DOCK4: variants seen among roughly 807,000 people sequenced by gnomAD.
DOCK4 encodes the protein dedicator of cytokinesis 4.
A neutral mutation model predicts 268.1 loss-of-function variants in DOCK4; 97 were observed. The ratio of observed to expected loss-of-function variants is 0.36; its 90% confidence interval spans 0.31 to 0.43. The LOEUF (loss-of-function observed/expected upper bound fraction) is 0.43, where lower values mean the gene tolerates loss of function less well. Among genes scored for constraint, DOCK4 ranks in the 20% least tolerant of loss-of-function variants. The probability of loss-of-function intolerance (pLI) is 1.00; values close to 1 mark genes in which losing one functional copy is unlikely to be tolerated. For synonymous variants in DOCK4, 954 were observed against 887.2 expected (o/e 1.08, Z -1.34); for missense variants, 2,145 against 2,455.7 (o/e 0.87, Z 2.67).
rs1812325671 is a variant in DOCK4 at position 112,117,844 on chromosome 7, A to G, written c.37+88258T>C. Among the ~76,000 whole-genome samples, 2 of 152,204 alleles carry G rather than the reference A, an allele frequency of 1.3e-5. 1 individual carries two copies. The highest frequency in any genetic ancestry group is 4.1e-4 in the South Asian group (2 of 4,834). On this transcript the variant is annotated intron_variant, in intron 1 of 52. Coordinates refer to ENST00000428084, the MANE Select transcript of DOCK4 (RefSeq NM_001363540.2). ...GGCTTTGATTTCCAAATAGAAGCTTAGGTCTAAGACCAAGCTTCATGACAT... is the reference window on the plus strand; with the variant it reads ...GGCTTTGATTTCCAAATAGAAGCTTGGGTCTAAGACCAAGCTTCATGACAT...
intron 13 of DOCK4, among the ~76,000 whole-genome samples, chr7:111,910,156 T>G (rs1791973750): frequency 6.6e-6 from 1 of 152,160 alleles, no homozygotes; most frequent in African/African-American, 2.4e-5. Flanking sequence ...GAAATCATGA[T>G]GGAGGCAAAG....
intron 10 of DOCK4, among the ~76,000 whole-genome samples, chr7:111,942,908 A>G (rs1795323647): frequency 1.3e-5 from 2 of 152,320 alleles, no homozygotes; most frequent in East Asian, 3.9e-4. Context: ...TGCAGAAGGT[A>G]AAAATTGCCT....
In DOCK4 at chr7:112,014,274, C is replaced by T. The variant is rs149147045; in HGVS notation, c.38-10143G>A. 5.9e-3 allele frequency among the ~76,000 whole-genome samples: 901 copies of T among 152,246 alleles called. 8 individuals are homozygous for T. The highest frequency in any genetic ancestry group is 0.02 in the African/African-American group (839 of 41,548). ...TCATTCAATTAGCACTTCTTTTATG[C>T]GCATTTAATCCATTTTATTAGTTTT... On this transcript the variant is annotated intron_variant, in intron 1 of 52. Transcript: ENST00000428084.
Position 111,742,187 on chromosome 7 carries a change from T to G in DOCK4, c.4678-55A>C, listed in dbSNP as rs918766259. 34 of 1,508,492 alleles carry G rather than the reference T, an allele frequency of 2.3e-5. No individual in the cohort carries two copies. The Admixed American group carries it at 6.7e-4, about 30-fold the overall frequency. The allele number at this position is 1,508,492 out of a possible 1,614,324, so 93.4% of individuals were successfully genotyped here. On this transcript the variant is annotated intron_variant, in intron 44 of 52. Coordinates refer to ENST00000428084, the MANE Select transcript of DOCK4 (RefSeq NM_001363540.2). The stretch of plus-strand genomic sequence containing the variant: ...ACATCAATGACTACCTCTCACTAAG[T>G]GCCTGCTATGGGCCGAGCACTTTAC...
intron 43 of DOCK4, among the ~76,000 whole-genome samples, chr7:111,746,818 T>G (rs1796307902): frequency 7.0e-4 from 2 of 2,850 alleles, no homozygotes; most frequent in Non-Finnish European, 2.0e-3. Context: ...TCTTATCTTT[T>G]TTTTTTTTTT....
At chr7:111,808,745 G>A in intron 30 of DOCK4, 76 bp downstream of exon 30, 1 of 1,460,938 alleles carries the variant, frequency 6.8e-7, no homozygotes, top group East Asian at 2.4e-5. Context: ...CTGGTAAATT[G>A]CCTTTCTTCA....
At chr7:111,915,513 A>G (rs1792508427) in intron 13 of DOCK4, among the ~76,000 whole-genome samples, 1 of 152,208 alleles carries the variant, frequency 6.6e-6, no homozygotes, top group East Asian at 1.9e-4. Flanking sequence ...CCACAAGTTA[A>G]CAACTTTAGA....
intron 12 of DOCK4, among the ~76,000 whole-genome samples, chr7:111,929,019 T>C (rs1290640426): frequency 6.6e-6 from 1 of 152,208 alleles, no homozygotes; most frequent in African/African-American, 2.4e-5. Flanking sequence ...TCTGTTGCTA[T>C]GTTCTGAAGT....
intron 30 of DOCK4, among the ~76,000 whole-genome samples, chr7:111,793,458 G>A (rs986594727): frequency 2.0e-5 from 3 of 152,188 alleles, no homozygotes; most frequent in African/African-American, 7.2e-5. Context: ...TCTTGTACAT[G>A]TTTTGATAAG....
intron 25 of DOCK4, among the ~76,000 whole-genome samples, chr7:111,840,480 C>G (rs544860789): frequency 6.6e-6 from 1 of 151,908 alleles, no homozygotes; most frequent in South Asian, 2.1e-4. Flanking sequence ...AAATCTGCTT[C>G]TACCTATAAT....
At chr7:112,173,724 G>A (rs934415008) in intron 1 of DOCK4, among the ~76,000 whole-genome samples, 22 of 152,158 alleles carry the variant, frequency 1.4e-4, no homozygotes, top group Non-Finnish European at 1.5e-4. Context: ...ACTTGGAAAT[G>A]CCCAAGGGCA....
At chr7:112,171,253 T>C (rs927597655) in intron 1 of DOCK4, among the ~76,000 whole-genome samples, 4 of 152,216 alleles carry the variant, frequency 2.6e-5, no homozygotes, top group Non-Finnish European at 4.4e-5. Context: ...ATAATTAACC[T>C]ATTTTCCATA....
intron 1 of DOCK4, among the ~76,000 whole-genome samples, chr7:112,137,851 T>G (rs1460225071): frequency 6.6e-6 from 1 of 152,250 alleles, no homozygotes; most frequent in East Asian, 1.9e-4. Flanking sequence ...TTTTCTCATC[T>G]GTAAAACAGG....
chr7:111,937,454 C>A (rs1275984842), intron 11 of DOCK4, among the ~76,000 whole-genome samples: 1 of 152,100 alleles, frequency 6.6e-6, no homozygotes, highest in African/African-American at 2.4e-5. Context: ...AAAAAAAACA[C>A]AAAGAGCAGA....
chr7:112,088,555 C>T (rs1809332618), intron 1 of DOCK4, among the ~76,000 whole-genome samples: 1 of 152,026 alleles, frequency 6.6e-6, no homozygotes, highest in African/African-American at 2.4e-5. Flanking sequence ...ATTAAAGCAG[C>T]CAGTATGACC....
Position 111,940,271 on chromosome 7 carries a change from CA to C in DOCK4, c.845-30del, listed in dbSNP as rs1400882928. 5.6e-6 allele frequency: 9 copies of C among 1,613,594 alleles called. No individual in the cohort carries two copies. The South Asian group carries it at 9.9e-5, about 18-fold the overall frequency. On this transcript the variant is annotated intron_variant, in intron 10 of 52. Coordinates refer to ENST00000428084, the MANE Select transcript of DOCK4 (RefSeq NM_001363540.2). ...TTCAATTAAAGAGCAATCATTAACC[CA>C]TGGAGCCATTTGATTAGATGCATCT...
Position 111,790,418 on chromosome 7 carries a change from G to C in DOCK4, c.3315+39C>G, listed in dbSNP as rs372952191. The C allele has an allele frequency of 1.2e-5, 19 of 1,604,774 alleles. No individual in the cohort carries two copies. In the African/African-American group the frequency reaches 1.9e-4, roughly 16 times the overall value. On this transcript the variant is annotated intron_variant, in intron 31 of 52. Transcript: ENST00000428084. ...AGTTCACAGATGCTTCAGGAGAGCT[G>C]AAACTCTTCCAACTCTTCTGAGGAG...
At chr7:111,944,901 G>A in intron 9 of DOCK4, 30 bp from the exon 10 acceptor site, 1 of 1,607,284 alleles carries the variant, frequency 6.2e-7, no homozygotes, top group South Asian at 1.1e-5. Context: ...GGTTATTTTG[G>A]AAGACATGAG....
At chr7:111,996,656 A>G (rs1275863528) in intron 4 of DOCK4, among the ~76,000 whole-genome samples, 1 of 152,156 alleles carries the variant, frequency 6.6e-6, no homozygotes, top group Non-Finnish European at 1.5e-5. Context: ...CTTCTGCTGC[A>G]CAATGTCCAT....
Sources: gnomAD v4.1 joint callset for allele counts (sites outside exome capture counted in the v4.1 genomes callset) on GRCh38, gnomAD v4.1.1 for gene constraint, MANE v1.5 for transcripts, NCBI Gene and HGNC (gene_info 2026-07-23, HGNC 2026-07-21) for gene names.